The following GUCY2F variants were observed in gnomAD, a reference collection of about 807,000 sequenced individuals.
The protein encoded by GUCY2F is guanylate cyclase 2F, retinal.
GUCY2F carries 61 observed loss-of-function variants against 73.1 expected under a neutral mutation model. The observed-to-expected ratio is 0.83, with a 90% CI of 0.68 to 1.03. The LOEUF is 1.03. Ranked by LOEUF, GUCY2F falls within the 50% of genes least tolerant of loss-of-function variation. The pLI is 0.00. For missense variants in GUCY2F, 912 were observed against 854.3 expected, an observed-to-expected ratio of 1.07 and a Z score of -0.84; for synonymous variants, 331 against 307.8, an observed-to-expected ratio of 1.08 and a Z score of -0.79.
intron 2 of GUCY2F, among the ~76,000 whole-genome samples, chrX:109,469,577 G>A (rs1932534218): frequency 9.1e-6 from 1 of 109,979 alleles, no homozygotes. Flanking sequence ...GCTCTTTATT[G>A]TAACCCCTTT....
At chrX:109,392,177 A>G in intron 13 of GUCY2F, 74 bp from the exon 14 acceptor site, 1 of 676,019 alleles carries the variant, frequency 1.5e-6, no homozygotes, top group Middle Eastern at 3.3e-4. Flanking sequence ...CTAAAAATAC[A>G]CCAAATAAAC....
chrX:109,412,971 C>T (rs1318653372), intron 8 of GUCY2F, among the ~76,000 whole-genome samples: 2 of 112,191 alleles, frequency 1.8e-5, no homozygotes, highest in East Asian at 5.6e-4. Context: ...GAGTCACCTG[C>T]CAACAGTACA....
chrX:109,458,366 C>T (rs1308754600), intron 3 of GUCY2F, among the ~76,000 whole-genome samples: 1 of 111,627 alleles, frequency 9.0e-6, no homozygotes, highest in Non-Finnish European at 1.9e-5. Context: ...CCTTAGTTTC[C>T]TCAACCACAA....
chrX:109,480,987 A>G (rs1932760810), intron 1 of GUCY2F, among the ~76,000 whole-genome samples: 1 of 100,337 alleles, frequency 1.0e-5, no homozygotes, highest in Non-Finnish European at 2.0e-5. Context: ...AGAGGGAAGG[A>G]GGGAAGAAGA....
At chrX:109,390,958 ATT>A (rs1167391047) in intron 14 of GUCY2F, among the ~76,000 whole-genome samples, 2 of 112,478 alleles carry the variant, frequency 1.8e-5, no homozygotes, top group South Asian at 7.3e-4. Flanking sequence ...CTTGTGTGTG[ATT>A]TGAGAGCTAG....
At chrX:109,477,951 T>A (rs1932729049) in intron 1 of GUCY2F, among the ~76,000 whole-genome samples, 1 of 111,717 alleles carries the variant, frequency 9.0e-6, no homozygotes, top group Non-Finnish European at 1.9e-5. Flanking sequence ...GTCAAGAAAG[T>A]CTTGGGGGAG....
intron 18 of GUCY2F, 27 bp from the exon 19 acceptor site, chrX:109,376,013 G>T: frequency 8.5e-7 from 1 of 1,170,416 alleles, no homozygotes; most frequent in Non-Finnish European, 1.2e-6. Flanking sequence ...ACATCAAATA[G>T]GTAGTGAAGA....
At chrX:109,454,936 G>A (rs770651972) in intron 3 of GUCY2F, among the ~76,000 whole-genome samples, 2 of 111,094 alleles carry the variant, frequency 1.8e-5, no homozygotes, top group Non-Finnish European at 3.8e-5. Flanking sequence ...CTAAGCTCCT[G>A]TAACAACCTT....
intron 3 of GUCY2F, among the ~76,000 whole-genome samples, chrX:109,462,911 T>A (rs1386639014): frequency 8.9e-6 from 1 of 112,005 alleles, no homozygotes; most frequent in Non-Finnish European, 1.9e-5. Flanking sequence ...AGTTTTGCAA[T>A]TCTTGACTAA....
chrX:109,391,356 T>G (rs1207169943), intron 14 of GUCY2F, among the ~76,000 whole-genome samples: 2 of 111,240 alleles, frequency 1.8e-5, no homozygotes, highest in Non-Finnish European at 3.8e-5. Context: ...TAGGCAGCTT[T>G]TCGGTTACCC....
intron 8 of GUCY2F, among the ~76,000 whole-genome samples, chrX:109,427,487 G>A (rs1378528444): frequency 1.8e-5 from 2 of 111,982 alleles, no homozygotes; most frequent in Non-Finnish European, 3.8e-5. Flanking sequence ...TCTGACTCCA[G>A]CTGTTTGTTT....
rs772314663 is a variant in GUCY2F, at chrX:109,398,712, A to G, written c.2126-14T>C. The G allele has an allele frequency of 4.2e-6, 5 of 1,201,172 alleles. No individual in the cohort carries two copies. The highest frequency in any genetic ancestry group is 2.2e-5 in the Admixed American group (1 of 45,862). On this transcript the variant is annotated splice_polypyrimidine_tract_variant and intron_variant, in intron 10 of 19. Transcript: ENST00000218006. Reference sequence around the variant, plus strand: ...TCCACAGCAGCTCTAAAAAGAAAGCATTGTGTAATGAATGCAGGGAGGATT... The same window carrying G: ...TCCACAGCAGCTCTAAAAAGAAAGCGTTGTGTAATGAATGCAGGGAGGATT...
intron 11 of GUCY2F, among the ~76,000 whole-genome samples, chrX:109,397,530 C>G (rs1341896116): frequency 8.9e-6 from 1 of 111,825 alleles, no homozygotes; most frequent in Non-Finnish European, 1.9e-5. Flanking sequence ...CTCAGCTTCC[C>G]CTATTGTTAA....
intron 4 of GUCY2F, among the ~76,000 whole-genome samples, chrX:109,453,181 T>C (rs1196417526): frequency 9.0e-6 from 1 of 111,413 alleles, no homozygotes; most frequent in African/African-American, 3.3e-5. Context: ...GAAACAATCA[T>C]AGGTCATAGC....
At chrX:109,401,239 GA>G (rs767681923) in intron 10 of GUCY2F, among the ~76,000 whole-genome samples, 2 of 112,096 alleles carry the variant, frequency 1.8e-5, no homozygotes, top group Non-Finnish European at 3.8e-5. Context: ...GAAAACTAGA[GA>G]AATTACTTTG....
At chrX:109,427,992 A>G (rs1289364965) in intron 8 of GUCY2F, among the ~76,000 whole-genome samples, 1 of 112,556 alleles carries the variant, frequency 8.9e-6, no homozygotes, top group Non-Finnish European at 1.9e-5. Flanking sequence ...CTAATTGAAT[A>G]AAATAAAAAT....
intron 15 of GUCY2F, 116 bp downstream of exon 15, chrX:109,388,373 G>A (rs779556734): frequency 1.7e-4 from 97 of 582,713 alleles, no homozygotes; most frequent in African/African-American, 6.9e-4. Flanking sequence ...TATGCAGCCC[G>A]GACACCTGGA....
chrX:109,471,337 T>C (rs1017064901), intron 2 of GUCY2F, among the ~76,000 whole-genome samples: 6 of 112,490 alleles, frequency 5.3e-5, no homozygotes, highest in African/African-American at 1.9e-4. Context: ...GGGCTTAGAA[T>C]AGCCATTTGA....
chrX:109,438,397 A>G (rs769913526), intron 7 of GUCY2F, among the ~76,000 whole-genome samples: 1 of 112,837 alleles, frequency 8.9e-6, no homozygotes, highest in Non-Finnish European at 1.9e-5. Flanking sequence ...ATGTCCTCAC[A>G]TCTTAATATC....
Sources: gnomAD v4.1 joint callset for allele counts (sites outside exome capture counted in the v4.1 genomes callset) on GRCh38, gnomAD v4.1.1 for gene constraint, MANE v1.5 for transcripts, NCBI Gene and HGNC (gene_info 2026-07-23, HGNC 2026-07-21) for gene names.